EP300: variants seen among roughly 807,000 people sequenced by gnomAD.
EP300 encodes the protein EP300 lysine acetyltransferase.
EP300 carries 31 observed loss-of-function variants against 264.0 expected under a neutral mutation model. The ratio of observed to expected loss-of-function variants is 0.12; its 90% CI spans 0.09 to 0.16. The LOEUF (loss-of-function observed/expected upper bound fraction) is 0.16, where lower values mean the gene tolerates loss of function less well. Among genes scored for constraint, EP300 ranks in the 10% least tolerant of loss-of-function variants. The probability of loss-of-function intolerance (pLI) is 1.00; values close to 1 mark genes in which losing one functional copy is unlikely to be tolerated. For missense variants in EP300, 2,766 were observed against 3,052.9 expected (o/e 0.91, Z 2.21); for synonymous variants, 1,340 against 1,045.4 (o/e 1.28, Z -5.44).
chr22:41,102,922 T>C (rs769037950), intron 1 of EP300, among the ~76,000 whole-genome samples: 3 of 152,174 alleles, frequency 2.0e-5, no homozygotes, highest in Non-Finnish European at 2.9e-5. Context: ...TGATCTCAGC[T>C]CACTGCAACC....
At chr22:41,153,735 CAG>C (rs1045996608) in intron 16 of EP300, among the ~76,000 whole-genome samples, 6 of 152,162 alleles carry the variant, frequency 3.9e-5, no homozygotes, top group African/African-American at 1.2e-4. Context: ...GCCTGAGTGA[CAG>C]AGAGTAATTG....
intron 27 of EP300, 145 bp from the exon 28 acceptor site, chr22:41,172,354 C>T: frequency 1.4e-6 from 1 of 700,036 alleles, no homozygotes; most frequent in South Asian, 1.8e-5. Context: ...CTAAATACTC[C>T]CTGGCTTACG....
At chr22:41,157,004 A>T (rs2059081047) in intron 17 of EP300, among the ~76,000 whole-genome samples, 165 bp from the exon 18 acceptor site, 1 of 152,194 alleles carries the variant, frequency 6.6e-6, no homozygotes, top group African/African-American at 2.4e-5. Flanking sequence ...TATCTCTGTA[A>T]ACTAATATTT....
At chr22:41,114,145 A>AAC (rs2058808848) in intron 1 of EP300, among the ~76,000 whole-genome samples, 1 of 152,152 alleles carries the variant, frequency 6.6e-6, no homozygotes, top group African/African-American at 2.4e-5. Context: ...TAGTGGTTTT[A>AAC]GGTCAGTTTT....
intron 10 of EP300, among the ~76,000 whole-genome samples, chr22:41,143,362 ACATCAC>A (rs2058993479): frequency 6.6e-6 from 1 of 152,118 alleles, no homozygotes; most frequent in Non-Finnish European, 1.5e-5. Flanking sequence ...TGAGGCAGGA[ACATCAC>A]TTGAGCCCAG....
rs730811 is a variant in EP300 at position 41,157,678 on chromosome 22, T to C, written c.3501+270T>C. On this transcript the variant is annotated intron_variant, in intron 18 of 30. Coordinates refer to ENST00000263253, the MANE Select transcript of EP300 (RefSeq NM_001429.4). The stretch of plus-strand genomic sequence containing the variant: ...GACTACAGCCGTACGCCACCATGCC[T>C]GGCTGATTTTTTAAATTTGTTTTGT... Among the ~76,000 whole-genome samples, 2,698 of 151,864 alleles carry C rather than the reference T, an allele frequency of 0.018. 73 individuals are homozygous for C. Among genetic ancestry groups the C allele is most frequent in the African/African-American group, 0.063 (2,596 of 41,374 alleles).
rs201569846 is a variant in EP300 at position 41,177,973 on chromosome 22, C to T, written c.6262C>T (p.Arg2088Trp). 3.7e-6 allele frequency: 6 copies of T among 1,614,168 alleles called. No individual in the cohort carries two copies. Among genetic ancestry groups the T allele is most frequent in the African/African-American group, 1.3e-5 (1 of 75,038 alleles). Residue 2088 changes from arginine to tryptophan, a missense_variant, in exon 31 of 31, where the codon CGG becomes TGG. Coordinates refer to ENST00000263253, the MANE Select transcript of EP300 (RefSeq NM_001429.4). ...PQLLAAFIKQ[R>W]AAKYANSNPQ... ...GCTGTTGGCTGCATTCATCAAGCAG[C>T]GGGCTGCCAAGTATGCCAACTCTAA...
At chr22:41,110,219 C>T (rs1288115982) in intron 1 of EP300, among the ~76,000 whole-genome samples, 1 of 147,824 alleles carries the variant, frequency 6.8e-6, no homozygotes, top group Non-Finnish European at 1.5e-5. Flanking sequence ...CCTCAACCTC[C>T]TGGGCTCAAG....
rs1291516452 is a variant in EP300, at chr22:41,152,019, G to GT, written c.2997+8dup. ...GCCGGAGGATATTTCAGAGGTGAGA[G>GT]TAGGGCAATTACTGTTTGATTTGGT... is the stretch of plus-strand genomic sequence containing the variant. On this transcript the variant is annotated splice_region_variant and intron_variant, in intron 15 of 30. Coordinates refer to ENST00000263253, the MANE Select transcript of EP300 (RefSeq NM_001429.4). The GT allele has an allele frequency of 6.2e-7, 1 of 1,614,178 alleles. No homozygotes were observed. Among genetic ancestry groups the GT allele is most frequent in the South Asian group, 1.1e-5 (1 of 91,090 alleles).
At chr22:41,142,575 T>C (rs2058988968) in intron 10 of EP300, among the ~76,000 whole-genome samples, 1 of 151,914 alleles carries the variant, frequency 6.6e-6, no homozygotes, top group Non-Finnish European at 1.5e-5. Context: ...TGGACTTGAG[T>C]AGTAACTAAA....
chr22:41,121,465 C>T (rs891052333), intron 2 of EP300, among the ~76,000 whole-genome samples: 2 of 152,142 alleles, frequency 1.3e-5, no homozygotes, highest in African/African-American at 4.8e-5. Flanking sequence ...TCTAATTCCT[C>T]AGCAGATCTG....
Position 41,168,861 on chromosome 22 carries a change from A to G in EP300, c.4166A>G (p.Asn1389Ser), listed in dbSNP as rs2059154724. 6.2e-7 allele frequency: 1 copy of G among 1,614,034 alleles called. No homozygotes were observed. Among genetic ancestry groups the G allele is most frequent in the Non-Finnish European group, 8.5e-7 (1 of 1,180,036 alleles). ...TATGGCTCTGACTGCCCTCCACCCAACCAGAGGTATGACTAGCTCACAGTG... is the reference window on the plus strand; with the variant it reads ...TATGGCTCTGACTGCCCTCCACCCAGCCAGAGGTATGACTAGCTCACAGTG... ...QEYGSDCPPP[N>S]QRRVYISYLD... Residue 1389 changes from asparagine (N) to serine (S), a missense_variant, in exon 25 of 31, where the codon AAC becomes AGC. By Grantham distance (46) the Asn-to-Ser change is conservative. Coordinates refer to ENST00000263253, the MANE Select transcript of EP300 (RefSeq NM_001429.4).
intron 1 of EP300, among the ~76,000 whole-genome samples, chr22:41,112,323 G>A (rs1019264125): frequency 6.6e-6 from 1 of 152,078 alleles, no homozygotes; most frequent in Admixed American, 6.5e-5. Flanking sequence ...CCAAGTAGCT[G>A]GGACTACAGG....
intron 10 of EP300, among the ~76,000 whole-genome samples, chr22:41,143,369 T>TGGTG: frequency 6.6e-6 from 1 of 152,130 alleles, no homozygotes; most frequent in Non-Finnish European, 1.5e-5. Flanking sequence ...GGAACATCAC[T>TGGTG]TGAGCCCAGG....
chr22:41,139,995 A>G (rs1264492959), intron 8 of EP300, 145 bp from the exon 9 acceptor site: 2 of 668,632 alleles, frequency 3.0e-6, no homozygotes, highest in South Asian at 3.4e-5. Flanking sequence ...TGTTTATCAC[A>G]AAAAGATAAT....
chr22:41,123,196 C>T (rs943764817), intron 2 of EP300, among the ~76,000 whole-genome samples: 2 of 152,096 alleles, frequency 1.3e-5, no homozygotes, highest in African/African-American at 2.4e-5. Context: ...GAAAATGCCT[C>T]TCTGTGAACT....
chr22:41,132,516 T>A (rs1295587458), intron 6 of EP300, among the ~76,000 whole-genome samples: 1 of 152,042 alleles, frequency 6.6e-6, no homozygotes, highest in Non-Finnish European at 1.5e-5. Context: ...CTCAATCTCT[T>A]GACCTCGTGA....
At chr22:41,095,806 G>A (rs1312132724) in intron 1 of EP300, among the ~76,000 whole-genome samples, 1 of 152,094 alleles carries the variant, frequency 6.6e-6, no homozygotes, top group Admixed American at 6.6e-5. Flanking sequence ...ATTTCGTGAT[G>A]TAAATATATC....
In EP300 at chr22:41,178,311, A is replaced by T. The variant is rs751169831; in HGVS notation, c.6600A>T (p.Gly2200=). 6.2e-7 allele frequency: 1 copy of T among 1,614,162 alleles called. No individual in the cohort carries two copies. Among genetic ancestry groups the T allele is most frequent in the South Asian group, 1.1e-5 (1 of 91,082 alleles). The change falls in exon 31 of 31, where the codon GGA becomes GGT. Residue 2200 remains glycine (G), a synonymous_variant. Transcript: ENST00000263253. The part of the protein sequence containing the change: ...QQQQQQGAGP[G]IGPGMANHNQ... ...AGCAGCAACAGGGAGCAGGGCCAGGAATAGGCCCTGGAATGGCCAACCATA... is the reference window on the plus strand; with the variant it reads ...AGCAGCAACAGGGAGCAGGGCCAGGTATAGGCCCTGGAATGGCCAACCATA...
Sources: allele counts gnomAD v4.1 joint callset (sites outside exome capture counted in the v4.1 genomes callset), GRCh38; gene constraint gnomAD v4.1.1; transcripts MANE v1.5; gene names NCBI Gene and HGNC (gene_info 2026-07-23, HGNC 2026-07-21).